The following EMC3 variants were observed in gnomAD, a reference collection of about 807,000 sequenced individuals.
The protein encoded by EMC3 is ER membrane protein complex subunit 3.
A neutral mutation model predicts 36.6 loss-of-function variants in EMC3; 13 were observed. The ratio of observed to expected loss-of-function variants is 0.35; its 90% confidence interval spans 0.23 to 0.56. The LOEUF (loss-of-function observed/expected upper bound fraction) is 0.56, where lower values mean the gene tolerates loss of function less well. EMC3 is among the 20% of genes least tolerant of loss of function. The pLI is 0.84. For synonymous variants in EMC3, 120 were observed against 111.9 expected, an observed-to-expected ratio of 1.07 and a Z score of -0.46; for missense variants, 220 against 324.5, an observed-to-expected ratio of 0.68 and a Z score of 2.47.
intron 1 of EMC3, among the ~76,000 whole-genome samples, chr3:10,000,222 A>G (rs1205387911): frequency 6.6e-6 from 1 of 151,948 alleles, no homozygotes; most frequent in Non-Finnish European, 1.5e-5. Context: ...TATTTTTAGT[A>G]GAGACGGGGG....
Position 9,986,561 on chromosome 3 carries a change from A to T in EMC3, c.101T>A (p.Val34Glu). ...TFFVGMIRHYVSILLQSDKKL... is the reference protein window; with the variant it reads ...TFFVGMIRHYESILLQSDKKL... ...CTTGTCGCTCTGCAGCAGGATGGAC[A>T]CGTAGTGGCGGATCATGCCTACGAA... Residue 34 changes from valine to glutamate, a missense_variant, in exon 1 of 8, where the codon GTG becomes GAG. Transcript: ENST00000245046. The T allele has an allele frequency of 1.2e-6, 2 of 1,614,212 alleles. No individual in the cohort carries two copies.
chr3:9,963,472 TA>T lies in EMC3; in HGVS notation c.*596del, dbSNP rs1352444008. 13 of 71,126 alleles carry T rather than the reference TA, an allele frequency of 1.8e-4. No homozygotes were observed. Among genetic ancestry groups the T allele is most frequent in the African/African-American group, 7.7e-4 (10 of 13,010 alleles). 4.4% of individuals were successfully genotyped at this position (71,126 alleles called of 1,614,324 possible). ...TAAGATAGATATATATATATATATA[TA>T]TATATTTTTTTTTTTTTTTCAGATG... On this transcript the variant is annotated 3_prime_UTR_variant, in exon 8 of 8. Transcript: ENST00000245046.
chr3:9,965,419 T>TAGATAGAC (rs1193242673), intron 7 of EMC3, among the ~76,000 whole-genome samples: 3 of 83,006 alleles, frequency 3.6e-5, no homozygotes, highest in East Asian at 5.1e-4. Flanking sequence ...AGACCCTCGA[T>TAGATAGAC]AGATAGATAG....
chr3:9,994,449 A>C, intron 1 of EMC3: 1 of 504,512 alleles, frequency 2.0e-6, no homozygotes, highest in Non-Finnish European at 3.6e-6. Flanking sequence ...AGGAAAGCTC[A>C]ATTTTACTCC....
At chr3:9,974,350 G>C in intron 4 of EMC3, 34 bp downstream of exon 4, 1 of 1,432,376 alleles carries the variant, frequency 7.0e-7, no homozygotes, top group South Asian at 1.1e-5. Flanking sequence ...GAATTTCTCT[G>C]GGTAACATGA....
rs1266174701 is a variant in EMC3 at position 9,995,889 on chromosome 3, G to A, written c.-241-8987C>T. Among the ~76,000 whole-genome samples the A allele has an allele frequency of 3.3e-5, 5 of 151,602 alleles. No individual in the cohort carries two copies. The East Asian group carries it at 9.7e-4, about 29-fold the overall frequency. ...AAAAAAAGCAAATGATAGATTTGCT[G>A]TGTAAAATAGTGGAAATGGAGTACA... On this transcript the variant is annotated intron_variant, in intron 1 of 8. Coordinates refer to the EMC3 transcript ENST00000470827.
upstream of EMC3, among the ~76,000 whole-genome samples, chr3:9,989,594 A>C (rs1258837242): frequency 6.6e-6 from 1 of 152,218 alleles, no homozygotes; most frequent in Admixed American, 6.5e-5. Flanking sequence ...TTTTGGGATG[A>C]CTATCTTAAA....
At chr3:9,992,224 C>T (rs1310790407) in intron 1 of EMC3, among the ~76,000 whole-genome samples, 3 of 152,092 alleles carry the variant, frequency 2.0e-5, no homozygotes, top group Non-Finnish European at 4.4e-5. Flanking sequence ...GGGTTCGAGT[C>T]GTTGACCTGC....
chr3:9,974,731 T>G (rs1462052995), intron 3 of EMC3, among the ~76,000 whole-genome samples: 1 of 151,680 alleles, frequency 6.6e-6, no homozygotes, highest in African/African-American at 2.4e-5. Flanking sequence ...GCTAATTTTT[T>G]GTATTTTTAG....
chr3:9,985,290 C>T (rs1393200349), intron 1 of EMC3, among the ~76,000 whole-genome samples: 3 of 152,152 alleles, frequency 2.0e-5, no homozygotes, highest in Admixed American at 1.3e-4. Context: ...TTTAACTAGA[C>T]ACTGTTACCT....
At chr3:10,002,277 T>TTTTATTTTATTTTATTTTA (rs371226387) in intron 1 of EMC3, among the ~76,000 whole-genome samples, 4,588 of 148,080 alleles carry the variant, frequency 0.031, 365 homozygotes, top group African/African-American at 0.11. Context: ...GCAGTTTCTT[T>TTTTATTTTATTTTATTTTA]TTTTATTTTA....
At chr3:9,989,077 C>T (rs1201857045), upstream of EMC3, among the ~76,000 whole-genome samples, 9 of 152,254 alleles carry the variant, frequency 5.9e-5, no homozygotes, top group South Asian at 1.9e-3. Context: ...AGTCTCAGGT[C>T]CCTATATCTG....
chr3:9,988,386 A>T, upstream of EMC3: 1 of 1,247,138 alleles, frequency 8.0e-7, no homozygotes, highest in Non-Finnish European at 1.2e-6. Flanking sequence ...TCAGGAAATC[A>T]AGAAAGCAGC....
intron 3 of EMC3, 30 bp from the exon 4 acceptor site, chr3:9,974,518 T>A: frequency 3.4e-6 from 5 of 1,452,872 alleles, no homozygotes; most frequent in Non-Finnish European, 4.8e-6. Context: ...AAGAAACCAC[T>A]AAGTTTTACC....
At chr3:9,967,905 G>A (rs932710217) in intron 7 of EMC3, among the ~76,000 whole-genome samples, 1 of 152,082 alleles carries the variant, frequency 6.6e-6, no homozygotes, top group South Asian at 2.1e-4. Context: ...TCAGTATGTC[G>A]GTTTAAATCT....
At chr3:9,983,149 AT>A (rs36108965) in intron 1 of EMC3, among the ~76,000 whole-genome samples, 24,213 of 142,828 alleles carry the variant, frequency 0.17, 1,951 homozygotes, top group South Asian at 0.21. Flanking sequence ...AATCTGTGGA[AT>A]TTTTTTTTTT....
rs902913275 is a variant in EMC3, at chr3:9,974,316, G to A, written c.412+68C>T. ...TTACAAAAGAAAACACAGGACCTGT[G>A]ATATTAGTGTCTCACTAGCACTTGA... On this transcript the variant is annotated intron_variant, in intron 4 of 7. Coordinates refer to ENST00000245046, the MANE Select transcript of EMC3 (RefSeq NM_001394674.1). The A allele has an allele frequency of 7.7e-6, 8 of 1,032,400 alleles. No homozygotes were observed. The Admixed American group carries it at 1.2e-4, about 16-fold the overall frequency. The allele number at this position is 1,032,400 out of a possible 1,614,324, so 64.0% of individuals were successfully genotyped here.
At chr3:9,966,852 G>A (rs145515386) in intron 7 of EMC3, among the ~76,000 whole-genome samples, 1 of 152,314 alleles carries the variant, frequency 6.6e-6, no homozygotes, top group African/African-American at 2.4e-5. Context: ...TGGGATTAAG[G>A]TGTAAGCCAC....
chr3:9,987,293 T>C (rs1248269430), upstream of EMC3: 7 of 984,064 alleles, frequency 7.1e-6, no homozygotes, highest in Non-Finnish European at 8.4e-6. Flanking sequence ...GGTCGTAGTC[T>C]CTCGAGGCCC....
Sources: gnomAD v4.1 joint callset for allele counts (sites outside exome capture counted in the v4.1 genomes callset) on GRCh38, gnomAD v4.1.1 for gene constraint, MANE v1.5 for transcripts, NCBI Gene and HGNC (gene_info 2026-07-23, HGNC 2026-07-21) for gene names.